Variants in GRHL3 observed in about 807,000 individuals in gnomAD.
GRHL3 encodes grainyhead like transcription factor 3, also known as grainyhead-like protein 3 homolog.
A neutral mutation model predicts 70.3 loss-of-function variants in GRHL3; 20 were observed. The ratio of observed to expected loss-of-function variants is 0.28; its 90% CI spans 0.20 to 0.41. The LOEUF (loss-of-function observed/expected upper bound fraction) is 0.41. Among genes scored for constraint, GRHL3 ranks in the 10% least tolerant of loss-of-function variants. The pLI is 1.00. For missense variants in GRHL3, 637 were observed against 762.3 expected, an observed-to-expected ratio of 0.84 and a Z score of 1.94; for synonymous variants, 299 against 299.9, an observed-to-expected ratio of 1.00 and a Z score of 0.03.
In GRHL3 at chr1:24,342,833, A is replaced by G; in HGVS notation, c.1286-59A>G. ...GGCGTGAAGGGGAGAAGGAGACCAG[A>G]GGTGGGAGGGACTTGAGTGGAGGGA... On this transcript the variant is annotated intron_variant, in intron 10 of 15. Transcript: ENST00000361548. This position sits in a 1 kb window ranked among gnomAD's most constrained non-coding sequence, Gnocchi z 4.8. The G allele has an allele frequency of 6.2e-7, 1 of 1,613,886 alleles. No individual in the cohort carries two copies.
chr1:24,346,444 C>A, intron 12 of GRHL3, 109 bp from the exon 13 acceptor site: 1 of 697,002 alleles, frequency 1.4e-6, no homozygotes, highest in East Asian at 2.7e-5. Flanking sequence ...TTTGCATCCA[C>A]CCTTGTGTTT....
chr1:24,319,666 A>C, intron 1 of GRHL3, 98 bp downstream of exon 1: 1 of 1,608,996 alleles, frequency 6.2e-7, no homozygotes, highest in Non-Finnish European at 8.5e-7. Context: ...ACCGGGATTC[A>C]CAGAGCAATT....
At chr1:24,343,202 T>C (rs762784614) in intron 11 of GRHL3, 177 bp downstream of exon 11, 25 of 617,488 alleles carry the variant, frequency 4.0e-5, no homozygotes, top group Admixed American at 3.5e-4. Context: ...AGTGACCTAT[T>C]GTATTGAAGA....
At chr1:24,353,408 TGTGGGTAGATGGTGCATGA>T (rs1640591541) in intron 15 of GRHL3, among the ~76,000 whole-genome samples, 1 of 146,270 alleles carries the variant, frequency 6.8e-6, no homozygotes. Context: ...TGGGTGGGGG[TGTGGGTAGATGGTGCATGA>T]GTGGGTAGAT....
At chr1:24,327,960 A>G (rs1266867613) in intron 1 of GRHL3, among the ~76,000 whole-genome samples, 1 of 152,196 alleles carries the variant, frequency 6.6e-6, no homozygotes, top group African/African-American at 2.4e-5. Flanking sequence ...CCAAATTCTT[A>G]GTTCTAGAAC....
At chr1:24,325,179 G>A (rs11589512) in intron 1 of GRHL3, among the ~76,000 whole-genome samples, 2 of 152,164 alleles carry the variant, frequency 1.3e-5, no homozygotes, top group Non-Finnish European at 2.9e-5. Flanking sequence ...ACCCAGCTCA[G>A]GCGGCCCCTG....
intron 8 of GRHL3, among the ~76,000 whole-genome samples, chr1:24,340,836 G>A (rs974278473): frequency 6.6e-6 from 1 of 152,154 alleles, no homozygotes; most frequent in Non-Finnish European, 1.5e-5. Context: ...TGGGGCCTTG[G>A]GTTCAGGGAG....
At chr1:24,337,181 C>T in intron 5 of GRHL3, 30 bp downstream of exon 5, 2 of 1,537,736 alleles carry the variant, frequency 1.3e-6, no homozygotes, top group Non-Finnish European at 1.8e-6. Context: ...CCCTCAGACA[C>T]CTGGGCAGTG....
At chr1:24,330,989 G>A (rs1485530566) in intron 1 of GRHL3, among the ~76,000 whole-genome samples, 4 of 152,252 alleles carry the variant, frequency 2.6e-5, no homozygotes, top group Admixed American at 2.0e-4. Flanking sequence ...TACGCCTTCT[G>A]TGCCTTTCAC....
exon 16 of GRHL3, chr1:24,364,326 C>T: frequency 6.5e-7 from 1 of 1,549,418 alleles, no homozygotes; most frequent in East Asian, 2.4e-5. Flanking sequence ...CAAATCCCAG[C>T]CCCACCACCG....
At chr1:24,323,665 G>A (rs970161270) in intron 1 of GRHL3, among the ~76,000 whole-genome samples, 4 of 152,144 alleles carry the variant, frequency 2.6e-5, no homozygotes. Context: ...AAGGCACAAG[G>A]CCTGACTCTA....
At position 24,342,690 on chromosome 1, in the gene GRHL3, G is replaced by T. The variant is rs749157236; in HGVS notation, c.1207-4G>T. 6 of 1,613,926 alleles carry T rather than the reference G, an allele frequency of 3.7e-6. No homozygotes were observed. The highest frequency in any genetic ancestry group is 2.2e-5 in the South Asian group (2 of 91,080). ...TGGTGACCCTCTCTCCTTCTCCCCT[G>T]CAGGGAGCTGAGAGGAAGATGCGCG... is the stretch of plus-strand genomic sequence containing the variant. On this transcript the variant is annotated splice_polypyrimidine_tract_variant and splice_region_variant and intron_variant, in intron 9 of 15. Coordinates refer to ENST00000361548, the MANE Select transcript of GRHL3 (RefSeq NM_198173.3). The surrounding 1 kb of genome is among the most constrained non-coding windows in gnomAD (Gnocchi z 4.8).
At position 24,322,368 on chromosome 1, in the gene GRHL3, A is replaced by G. The variant is rs1267193823; in HGVS notation, c.17+2800A>G. Among the ~76,000 whole-genome samples, 1 of 152,174 alleles carries G rather than the reference A, an allele frequency of 6.6e-6. No homozygotes were observed. Among genetic ancestry groups the G allele is most frequent in the Non-Finnish European group, 1.5e-5 (1 of 68,014 alleles). On this transcript the variant is annotated intron_variant, in intron 1 of 15. Coordinates refer to ENST00000361548, the MANE Select transcript of GRHL3 (RefSeq NM_198173.3). This position sits in a 1 kb window ranked among gnomAD's most constrained non-coding sequence, Gnocchi z 4.4. ...TCTGATCTCCAGGAGCGCCGGCTCC[A>G]GACTGCCTGGAGCGCTGAAAGAGTT...
rs1639182121 is a variant in GRHL3 at position 24,321,456 on chromosome 1, A to G, written c.17+1888A>G. Among the ~76,000 whole-genome samples the G allele has an allele frequency of 6.6e-6, 1 of 152,174 alleles. No homozygotes were observed. The highest frequency in any genetic ancestry group is 1.5e-5 in the Non-Finnish European group (1 of 68,022). On this transcript the variant is annotated intron_variant, in intron 1 of 15. Transcript: ENST00000361548. This position sits in a 1 kb window ranked among gnomAD's most constrained non-coding sequence, Gnocchi z 4.0. Reference sequence around the variant, plus strand: ...CTGCTGTTGCTTCTGCGGCCTCGACATTCTCCTAAAAAGTGCCAAGTTAAG... The same window carrying G: ...CTGCTGTTGCTTCTGCGGCCTCGACGTTCTCCTAAAAAGTGCCAAGTTAAG...
intron 15 of GRHL3, chr1:24,361,151 T>A: frequency 9.5e-7 from 1 of 1,047,198 alleles, no homozygotes; most frequent in Non-Finnish European, 1.3e-6. Context: ...GGAAGAGGAC[T>A]GGTCACGGCA....
In GRHL3 at chr1:24,336,686, C is replaced by T. The variant is rs139093980; in HGVS notation, c.471C>T (p.Ala157=). The change falls in exon 4 of 16, where the codon GCC becomes GCT. Residue 157 remains alanine (A), a synonymous_variant. Transcript: ENST00000361548. Reference sequence around the variant, plus strand: ...CTGCAGGCCCCAGCAAGCTGGAGGCCGGCTCTGTGGACAGCTACCTGTTAC... The same window carrying T: ...CTGCAGGCCCCAGCAAGCTGGAGGCTGGCTCTGTGGACAGCTACCTGTTAC... ...PLPAGPSKLE[A]GSVDSYLLPT... 4.0e-4 allele frequency: 652 copies of T among 1,614,108 alleles called. 2 individuals carry two copies. In the African/African-American group the frequency reaches 6.8e-3, roughly 17 times the overall value.
chr1:24,349,023 G>C (rs140626045), intron 14 of GRHL3, among the ~76,000 whole-genome samples: 198 of 152,330 alleles, frequency 1.3e-3, no homozygotes, highest in African/African-American at 4.4e-3. Flanking sequence ...GTCTCAGTTC[G>C]TGTGCAGAAC....
chr1:24,341,994 C>T (rs1640059944), intron 8 of GRHL3, 121 bp from the exon 9 acceptor site: 1 of 847,586 alleles, frequency 1.2e-6, no homozygotes, highest in Non-Finnish European at 1.8e-6. Flanking sequence ...CTTCTAGGGG[C>T]CTAGTGAGGC....
intron 15 of GRHL3, among the ~76,000 whole-genome samples, chr1:24,361,591 G>T (rs1641121100): frequency 6.6e-6 from 1 of 152,100 alleles, no homozygotes; most frequent in African/African-American, 2.4e-5. Flanking sequence ...CTGTAACATT[G>T]ACATTCCAGA....
Sources: allele counts gnomAD v4.1 joint callset (sites outside exome capture counted in the v4.1 genomes callset), GRCh38; gene constraint gnomAD v4.1.1; non-coding constraint Gnocchi (gnomAD v3.1); transcripts MANE v1.5; gene names NCBI Gene and HGNC (gene_info 2026-07-23, HGNC 2026-07-21).